The following DYNC1I2 variants were observed in gnomAD, a reference collection of about 807,000 sequenced individuals.
The protein encoded by DYNC1I2 is dynein cytoplasmic 1 intermediate chain 2.
In DYNC1I2, 53 loss-of-function variants were observed where a neutral mutation model predicts 88.6. That is an observed-to-expected ratio of 0.60 (90% CI 0.48 to 0.75). The LOEUF (loss-of-function observed/expected upper bound fraction) is 0.75, where lower values mean the gene tolerates loss of function less well. Among genes scored for constraint, DYNC1I2 ranks in the 30% least tolerant of loss-of-function variants. DYNC1I2 has a pLI of 0.00. For synonymous variants in DYNC1I2, 198 were observed against 254.6 expected (o/e 0.78, Z 2.12); for missense variants, 458 against 766.6 (o/e 0.60, Z 4.75).
intron 3 of DYNC1I2, among the ~76,000 whole-genome samples, chr2:171,696,163 T>A (rs766632494): frequency 1.6e-4 from 25 of 152,214 alleles, no homozygotes; most frequent in Admixed American, 5.9e-4. Context: ...CTGCTTATAA[T>A]ATTCTTCATT....
intron 7 of DYNC1I2, among the ~76,000 whole-genome samples, chr2:171,716,464 C>G (rs948121817): frequency 1.3e-4 from 19 of 151,970 alleles, no homozygotes; most frequent in African/African-American, 3.6e-4. Context: ...AATTAAATTA[C>G]CATGTTTCTC....
At chr2:171,723,729 A>G (rs1004139519) in intron 7 of DYNC1I2, among the ~76,000 whole-genome samples, 7 of 152,210 alleles carry the variant, frequency 4.6e-5, no homozygotes, top group Admixed American at 3.9e-4. Flanking sequence ...GGAAGTGTCA[A>G]TGTGCAAGAG....
At chr2:171,719,642 C>G (rs780621668) in intron 7 of DYNC1I2, among the ~76,000 whole-genome samples, 1 of 152,162 alleles carries the variant, frequency 6.6e-6, no homozygotes, top group Non-Finnish European at 1.5e-5. Context: ...AAAAATTGGT[C>G]GTAGACTTAA....
At chr2:171,691,929 G>A (rs1440594699) in intron 2 of DYNC1I2, among the ~76,000 whole-genome samples, 1 of 152,148 alleles carries the variant, frequency 6.6e-6, no homozygotes, top group Admixed American at 6.5e-5. Flanking sequence ...TTTATCAACA[G>A]TGAAGCATCA....
intron 7 of DYNC1I2, among the ~76,000 whole-genome samples, chr2:171,720,090 G>C (rs1687805733): frequency 6.6e-6 from 1 of 150,464 alleles, no homozygotes; most frequent in Non-Finnish European, 1.5e-5. Flanking sequence ...AAATCCTGAA[G>C]GTTACCTAAT....
At chr2:171,717,761 C>T (rs1194434488) in intron 7 of DYNC1I2, among the ~76,000 whole-genome samples, 7 of 152,026 alleles carry the variant, frequency 4.6e-5, no homozygotes, top group Non-Finnish European at 2.9e-5. Context: ...ATAACCAAAA[C>T]GAAGGCACAG....
At chr2:171,719,483 C>G (rs1687759086) in intron 7 of DYNC1I2, among the ~76,000 whole-genome samples, 1 of 152,098 alleles carries the variant, frequency 6.6e-6, no homozygotes, top group African/African-American at 2.4e-5. Flanking sequence ...CTGGTTGGTT[C>G]CCATTTAAGA....
intron 3 of DYNC1I2, among the ~76,000 whole-genome samples, chr2:171,704,731 T>A (rs1248685209): frequency 6.6e-6 from 1 of 152,226 alleles, no homozygotes; most frequent in Non-Finnish European, 1.5e-5. Flanking sequence ...ATGCATGCAT[T>A]CATTTGTTCT....
In DYNC1I2 at chr2:171,715,451, T is replaced by G; in HGVS notation, c.511+8T>G. On this transcript the variant is annotated splice_region_variant and intron_variant, in intron 7 of 17. Transcript: ENST00000397119. The stretch of plus-strand genomic sequence containing the variant: ...TGGCTCAACCCAAAGAAGGTGAATA[T>G]CTATCCTTAGTATAATTGTCATTGA... The G allele has an allele frequency of 6.6e-7, 1 of 1,512,606 alleles. No individual in the cohort carries two copies. The highest frequency in any genetic ancestry group is 9.0e-7 in the Non-Finnish European group (1 of 1,108,436). The allele number at this position is 1,512,606 out of a possible 1,614,324, so 93.7% of individuals were successfully genotyped here.
intron 16 of DYNC1I2, among the ~76,000 whole-genome samples, chr2:171,744,767 C>T (rs1286937060): frequency 2.0e-5 from 3 of 152,068 alleles, no homozygotes; most frequent in Admixed American, 2.0e-4. Flanking sequence ...TTAATTGCAA[C>T]TCTTATTTAT....
chr2:171,727,436 G>A (rs778843567), intron 11 of DYNC1I2, among the ~76,000 whole-genome samples: 1 of 152,114 alleles, frequency 6.6e-6, no homozygotes, highest in Admixed American at 6.6e-5. Flanking sequence ...TCTTTTAATA[G>A]TGTCTTAATC....
chr2:171,742,601 T>C (rs1689520646), intron 15 of DYNC1I2, among the ~76,000 whole-genome samples: 1 of 152,222 alleles, frequency 6.6e-6, no homozygotes, highest in Admixed American at 6.5e-5. Context: ...TCCTTTTCTT[T>C]GCTATTGTCT....
At position 171,728,068 on chromosome 2, in the gene DYNC1I2, T is replaced by TTGG. The variant is rs1196686543; in HGVS notation, c.1143+104_1143+106dup. 6.6e-6 allele frequency: 9 copies of TTGG among 1,368,516 alleles called. No individual in the cohort carries two copies. In the African/African-American group the frequency reaches 1.2e-4, roughly 18 times the overall value. 84.8% of individuals were successfully genotyped at this position (1,368,516 alleles called of 1,614,324 possible). On this transcript the variant is annotated intron_variant, in intron 12 of 17. Transcript: ENST00000397119. ...AGAGTCATCTCAGAATGTGCTTCCT[T>TTGG]TGGTGTATGAATTCCTCACCATTTA...
chr2:171,744,234 G>T, intron 16 of DYNC1I2, 45 bp downstream of exon 16: 2 of 1,541,042 alleles, frequency 1.3e-6, no homozygotes, highest in East Asian at 2.3e-5. Context: ...ATAGAAAATT[G>T]GATATTTATT....
intron 7 of DYNC1I2, among the ~76,000 whole-genome samples, chr2:171,717,141 C>CTTT (rs71013068): frequency 2.0e-5 from 2 of 102,286 alleles, no homozygotes; most frequent in African/African-American, 6.6e-5. Flanking sequence ...CAAGTATTTT[C>CTTT]TTTTTTTTTT....
rs200748022 is a variant in DYNC1I2 at position 171,729,329 on chromosome 2, T to TA, written c.1392-371dup. On this transcript the variant is annotated intron_variant, in intron 14 of 17. Transcript: ENST00000397119. ...GTCTAGCTGTACCTTATTGCTTCCT[T>TA]AAAAAAAAATTGAGTGTCCAGATTT... 3.0e-3 allele frequency among the ~76,000 whole-genome samples: 460 copies of TA among 151,738 alleles called. 6 individuals are homozygous for TA. The highest frequency in any genetic ancestry group is 0.01 in the African/African-American group (434 of 41,428).
intron 15 of DYNC1I2, 30 bp downstream of exon 15, chr2:171,729,883 C>T: frequency 6.2e-7 from 1 of 1,611,436 alleles, no homozygotes; most frequent in Non-Finnish European, 8.5e-7. Context: ...CTGCTATTTG[C>T]TCAGGTTTCT....
intron 7 of DYNC1I2, among the ~76,000 whole-genome samples, chr2:171,718,216 C>T (rs879276266): frequency 1.1e-4 from 17 of 152,274 alleles, no homozygotes; most frequent in African/African-American, 3.6e-4. Context: ...CCTTGGCCTC[C>T]CATAGTGCTG....
At chr2:171,690,329 A>G in intron 2 of DYNC1I2, 66 bp downstream of exon 2, 2 of 1,162,004 alleles carry the variant, frequency 1.7e-6, no homozygotes, top group Non-Finnish European at 2.4e-6. Flanking sequence ...ACATATTTAT[A>G]TATTTACATA....
Sources: gnomAD v4.1 joint callset for allele counts (sites outside exome capture counted in the v4.1 genomes callset) on GRCh38, gnomAD v4.1.1 for gene constraint, MANE v1.5 for transcripts, NCBI Gene and HGNC (gene_info 2026-07-23, HGNC 2026-07-21) for gene names.